Variants in CAMTA1 observed in about 807,000 individuals in gnomAD.
CAMTA1 encodes the protein calmodulin binding transcription activator 1.
CAMTA1 carries 27 observed loss-of-function variants against 170.9 expected under a neutral mutation model. That is an observed-to-expected ratio of 0.16 (90% CI 0.12 to 0.22). CAMTA1 has a LOEUF of 0.22. CAMTA1 is among the 10% of genes least tolerant of loss of function. CAMTA1 has a pLI of 1.00. For synonymous variants in CAMTA1, 833 were observed against 891.5 expected, an observed-to-expected ratio of 0.93 and a Z score of 1.17; for missense variants, 1,619 against 2,217.2, an observed-to-expected ratio of 0.73 and a Z score of 5.42.
chr1:6,813,851 A>C (rs1450803158), intron 1 of CAMTA1, among the ~76,000 whole-genome samples: 1 of 152,204 alleles, frequency 6.6e-6, no homozygotes, highest in African/African-American at 2.4e-5. Context: ...CAAGAGGATG[A>C]GTGGCAATTC....
At chr1:6,822,497 T>C (rs1264705210) in intron 2 of CAMTA1, among the ~76,000 whole-genome samples, 2 of 152,168 alleles carry the variant, frequency 1.3e-5, no homozygotes, top group South Asian at 2.1e-4. Flanking sequence ...CCCATTGTTA[T>C]GTTTCTTAAA....
chr1:7,316,056 C>T lies in CAMTA1; in HGVS notation c.438+66430C>T, dbSNP rs187440914. On this transcript the variant is annotated intron_variant, in intron 5 of 22. Coordinates refer to ENST00000303635, the MANE Select transcript of CAMTA1 (RefSeq NM_015215.4). ...GGTGGCAGGAGAGAGAAGTGTGGAG[C>T]AATGGGAGAAGAGCCCCTTATAAAA... 2.3e-3 allele frequency among the ~76,000 whole-genome samples: 349 copies of T among 152,220 alleles called. 1 individual carries two copies. Among genetic ancestry groups the T allele is most frequent in the African/African-American group, 8.1e-3 (335 of 41,542 alleles).
chr1:6,846,643 A>G (rs1658275047), intron 3 of CAMTA1, among the ~76,000 whole-genome samples: 1 of 152,236 alleles, frequency 6.6e-6, no homozygotes, highest in African/African-American at 2.4e-5. Context: ...TTATTTCTAC[A>G]TGGATTAAAT....
At chr1:7,598,460 A>G (rs1457476007) in intron 6 of CAMTA1, among the ~76,000 whole-genome samples, 1 of 152,176 alleles carries the variant, frequency 6.6e-6, no homozygotes, top group Admixed American at 6.5e-5. Context: ...CAGTAATGGG[A>G]TGGTTGGGTC....
At position 7,455,274 on chromosome 1, in the gene CAMTA1, C is replaced by G. The variant is rs1422272666; in HGVS notation, c.439-12556C>G. On this transcript the variant is annotated intron_variant, in intron 5 of 22. Transcript: ENST00000303635. The surrounding 1 kb of genome is among the most constrained non-coding windows in gnomAD (Gnocchi z 5.0). The stretch of plus-strand genomic sequence containing the variant: ...CGACACTGGCTCCCAGGTGGAAGGC[C>G]TGATGCCGCCCTGCTGTCTGCTCTC... Among the ~76,000 whole-genome samples, 1 of 152,212 alleles carries G rather than the reference C, an allele frequency of 6.6e-6. No homozygotes were observed. Among genetic ancestry groups the G allele is most frequent in the Non-Finnish European group, 1.5e-5 (1 of 68,046 alleles).
intron 3 of CAMTA1, among the ~76,000 whole-genome samples, chr1:7,022,579 G>C (rs1014587795): frequency 2.0e-5 from 3 of 152,232 alleles, no homozygotes; most frequent in Non-Finnish European, 2.9e-5. Flanking sequence ...ATCCTAGAGA[G>C]GTAGTGTAGC....
chr1:7,379,326 G>GT (rs1444209846), intron 5 of CAMTA1, among the ~76,000 whole-genome samples: 3 of 152,168 alleles, frequency 2.0e-5, no homozygotes, highest in Non-Finnish European at 2.9e-5. Context: ...AGTGAAATAA[G>GT]TTTTTTTATT....
intron 3 of CAMTA1, among the ~76,000 whole-genome samples, chr1:7,061,423 C>T (rs1271344277): frequency 6.6e-6 from 1 of 152,222 alleles, no homozygotes; most frequent in Non-Finnish European, 1.5e-5. Context: ...GCCCATGCTG[C>T]GCTGGCCTGC....
chr1:7,414,384 G>T lies in CAMTA1; in HGVS notation c.439-53446G>T, dbSNP rs1251816243. ...TAGAATTCGGCTGTGAATCCATCTG[G>T]TCCTGGACTCTTTTTGGTTGGTAAG... On this transcript the variant is annotated intron_variant, in intron 5 of 22. Transcript: ENST00000303635. Among the ~76,000 whole-genome samples the T allele has an allele frequency of 3.3e-5, 5 of 152,116 alleles. No individual in the cohort carries two copies. In the East Asian group the frequency reaches 5.8e-4, roughly 18 times the overall value.
At chr1:7,631,317 C>A (rs755636590) in intron 6 of CAMTA1, among the ~76,000 whole-genome samples, 20 of 152,168 alleles carry the variant, frequency 1.3e-4, no homozygotes, top group Admixed American at 2.6e-4. Flanking sequence ...AGTGCACAGC[C>A]CTCCCATGAA....
intron 3 of CAMTA1, among the ~76,000 whole-genome samples, chr1:7,029,724 G>C (rs1379961017): frequency 6.6e-6 from 1 of 151,988 alleles, no homozygotes; most frequent in East Asian, 1.9e-4. Context: ...AACCCAAAGA[G>C]CTTCTGCTCA....
intron 5 of CAMTA1, among the ~76,000 whole-genome samples, chr1:7,315,835 C>T (rs1677406387): frequency 6.6e-6 from 1 of 152,154 alleles, no homozygotes; most frequent in African/African-American, 2.4e-5. Flanking sequence ...TCTCCCTGTG[C>T]ATTTCTGCCT....
chr1:6,850,734 C>T (rs896216862), intron 3 of CAMTA1, among the ~76,000 whole-genome samples: 1 of 152,124 alleles, frequency 6.6e-6, no homozygotes. Flanking sequence ...TCTGCTCATT[C>T]CAGAAGAATT....
intron 11 of CAMTA1, among the ~76,000 whole-genome samples, chr1:7,728,185 G>C (rs1007843867): frequency 6.6e-6 from 1 of 152,256 alleles, no homozygotes; most frequent in African/African-American, 2.4e-5. Flanking sequence ...GGCACACACA[G>C]AGTCACTGTG....
chr1:7,120,978 T>G (rs1182093953), intron 4 of CAMTA1, among the ~76,000 whole-genome samples: 1 of 152,234 alleles, frequency 6.6e-6, no homozygotes, highest in Non-Finnish European at 1.5e-5. Context: ...CAGGGTTGTT[T>G]TGCAGAAGTG....
At chr1:7,444,053 A>G (rs936534885) in intron 5 of CAMTA1, among the ~76,000 whole-genome samples, 1 of 152,196 alleles carries the variant, frequency 6.6e-6, no homozygotes, top group Non-Finnish European at 1.5e-5. Context: ...AGCAGGGAAA[A>G]GTCAGATTCC....
At chr1:7,326,633 A>G (rs2082697127) in intron 5 of CAMTA1, among the ~76,000 whole-genome samples, 1 of 152,216 alleles carries the variant, frequency 6.6e-6, no homozygotes, top group Non-Finnish European at 1.5e-5. Flanking sequence ...AGGAATGCCA[A>G]GTGTTGCCAG....
intron 5 of CAMTA1, among the ~76,000 whole-genome samples, chr1:7,340,682 T>C (rs78473169): frequency 0.017 from 2,517 of 151,802 alleles, 59 homozygotes; most frequent in African/African-American, 0.056. Flanking sequence ...TCTTTGCTTC[T>C]TCCATCCATC....
At chr1:7,564,161 A>G (rs562370857) in intron 6 of CAMTA1, among the ~76,000 whole-genome samples, 2 of 152,154 alleles carry the variant, frequency 1.3e-5, no homozygotes, top group Non-Finnish European at 2.9e-5. Flanking sequence ...CCTGGGGTGC[A>G]CCCCTCCTGG....
Sources: allele counts gnomAD v4.1 joint callset (sites outside exome capture counted in the v4.1 genomes callset), GRCh38; gene constraint gnomAD v4.1.1; non-coding constraint Gnocchi (gnomAD v3.1); transcripts MANE v1.5; gene names NCBI Gene and HGNC (gene_info 2026-07-23, HGNC 2026-07-21).